S100Z: variants seen among roughly 807,000 people sequenced by gnomAD.
S100Z encodes the protein S100 calcium binding protein Z, also known as protein S100-Z.
S100Z carries 11 observed loss-of-function variants against 8.5 expected under a neutral mutation model. The ratio of observed to expected loss-of-function variants is 1.30; its 90% CI spans 0.82 to 2.15. The LOEUF is 2.15. Among genes scored for constraint, S100Z ranks in the 30% most tolerant of loss-of-function variants. The pLI, the probability that S100Z is intolerant of heterozygous loss-of-function variation, is 0.00. For synonymous variants in S100Z, 34 were observed against 43.8 expected, an observed-to-expected ratio of 0.78 and a Z score of 0.89; for missense variants, 126 against 117.9, an observed-to-expected ratio of 1.07 and a Z score of -0.32.
chr5:76,936,616 TAC>T, the S100Z span, among the ~76,000 whole-genome samples: 953 of 134,094 alleles, frequency 7.1e-3, 6 homozygotes, highest in East Asian at 0.027. Flanking sequence ...TTAAAGTTCC[TAC>T]ACACACACAC....
At chr5:76,910,001 T>G (rs1307138382) in intron 4 of S100Z, among the ~76,000 whole-genome samples, 1 of 152,202 alleles carries the variant, frequency 6.6e-6, no homozygotes, top group Non-Finnish European at 1.5e-5. Context: ...TCCCTACCAG[T>G]CAGCAAGCCA....
chr5:76,884,817 T>A (rs1743543833), intron 4 of S100Z, among the ~76,000 whole-genome samples: 1 of 151,760 alleles, frequency 6.6e-6, no homozygotes, highest in Non-Finnish European at 1.5e-5. Flanking sequence ...AGGAGCAGCC[T>A]GGGGAGAAGG....
intron 1 of S100Z, among the ~76,000 whole-genome samples, chr5:76,861,779 C>G (rs879461161): frequency 5.9e-5 from 9 of 152,262 alleles, no homozygotes; most frequent in Middle Eastern, 3.4e-3. Flanking sequence ...TCATTTGGCT[C>G]AAGAATAAAT....
chr5:76,891,276 C>G (rs558557501), intron 4 of S100Z, among the ~76,000 whole-genome samples: 1 of 152,254 alleles, frequency 6.6e-6, no homozygotes, highest in South Asian at 2.1e-4. Flanking sequence ...TTACACTTAC[C>G]TGTGGTATTT....
chr5:76,913,553 A>G (rs1375780657), intron 4 of S100Z, among the ~76,000 whole-genome samples: 3 of 152,220 alleles, frequency 2.0e-5, no homozygotes, highest in African/African-American at 2.4e-5. Flanking sequence ...AACAGCAAAG[A>G]AAAAATCCCA....
chr5:76,858,499 G>A (rs1750949403), intron 1 of S100Z, among the ~76,000 whole-genome samples: 1 of 151,510 alleles, frequency 6.6e-6, no homozygotes, highest in South Asian at 2.1e-4. Context: ...TTCCAGCCGG[G>A]GCAGCAGAGT....
At chr5:76,946,786 A>G in the S100Z span, among the ~76,000 whole-genome samples, 13 of 152,282 alleles carry the variant, frequency 8.5e-5, no homozygotes, top group East Asian at 2.5e-3. Context: ...GATCCCTACA[A>G]TAATTCTTAG....
intron 2 of S100Z, among the ~76,000 whole-genome samples, chr5:76,872,761 G>T (rs1204652166): frequency 6.6e-6 from 1 of 152,092 alleles, no homozygotes; most frequent in Non-Finnish European, 1.5e-5. Flanking sequence ...AGGAGTTCAA[G>T]ACCAGCCTGG....
chr5:76,865,360 T>A (rs944516133), intron 1 of S100Z, among the ~76,000 whole-genome samples: 1 of 151,474 alleles, frequency 6.6e-6, no homozygotes, highest in Non-Finnish European at 1.5e-5. Context: ...TTCTCCTGCC[T>A]TAGCCTCCCG....
At chr5:76,898,475 C>T (rs1353161908) in intron 4 of S100Z, among the ~76,000 whole-genome samples, 1 of 152,010 alleles carries the variant, frequency 6.6e-6, no homozygotes, top group Admixed American at 6.6e-5. Context: ...AAGGTATGTT[C>T]CCTCTATCCC....
intron 1 of S100Z, among the ~76,000 whole-genome samples, chr5:76,863,780 C>T (rs1376616591): frequency 9.9e-5 from 15 of 152,094 alleles, no homozygotes; most frequent in East Asian, 7.7e-4. Flanking sequence ...CCTTGTGATC[C>T]ACCCACCTTG....
the S100Z span, among the ~76,000 whole-genome samples, chr5:76,949,205 G>A: frequency 6.6e-5 from 10 of 152,220 alleles, no homozygotes; most frequent in East Asian, 7.7e-4. Flanking sequence ...TGGCTAACAC[G>A]GTGAAACCCC....
At chr5:76,873,163 G>A (rs1319805290) in intron 2 of S100Z, among the ~76,000 whole-genome samples, 3 of 152,084 alleles carry the variant, frequency 2.0e-5, no homozygotes, top group African/African-American at 7.2e-5. Context: ...CATGCTTTTA[G>A]CCACCATGAT....
At chr5:76,939,644 C>G in the S100Z span, among the ~76,000 whole-genome samples, 1 of 151,230 alleles carries the variant, frequency 6.6e-6, no homozygotes, top group Non-Finnish European at 1.5e-5. Context: ...TCCTGAGTAG[C>G]TGGGATTACA....
rs369332859 is a variant in S100Z, at chr5:76,860,092, A to T, written c.-176+9937A>T. Among the ~76,000 whole-genome samples the T allele has an allele frequency of 3.7e-4, 57 of 152,276 alleles. No individual in the cohort carries two copies. The South Asian group carries it at 0.011, about 30-fold the overall frequency. On this transcript the variant is annotated intron_variant, in intron 1 of 4. Coordinates refer to ENST00000317593, the MANE Select transcript of S100Z (RefSeq NM_130772.4). ...TGCCGGCAATAAAAGTTGACTCTAG[A>T]TGCTGAGGCAGAGAAAGAACTCTGG...
chr5:76,885,440 T>G (rs1580023737), intron 4 of S100Z, among the ~76,000 whole-genome samples: 3 of 39,362 alleles, frequency 7.6e-5, no homozygotes, highest in East Asian at 5.9e-4. Context: ...GGGTGGGAGG[T>G]GCTTGTCCCC....
At chr5:76,952,941 A>G in the S100Z span, 10 of 590,684 alleles carry the variant, frequency 1.7e-5, no homozygotes, top group East Asian at 2.8e-4. Context: ...TACTCTGTCA[A>G]TGAGACAGGG....
At chr5:76,909,463 C>T (rs1744573796) in intron 4 of S100Z, among the ~76,000 whole-genome samples, 1 of 152,076 alleles carries the variant, frequency 6.6e-6, no homozygotes, top group African/African-American at 2.4e-5. Flanking sequence ...AGTGAAATAC[C>T]TTATGTCCAA....
chr5:76,931,792 G>GT, the S100Z span, among the ~76,000 whole-genome samples: 1 of 139,868 alleles, frequency 7.1e-6, no homozygotes, highest in Non-Finnish European at 1.6e-5. Flanking sequence ...GAACATTTGG[G>GT]TTTTTTTTAT....
Sources: gnomAD v4.1 joint callset for allele counts (sites outside exome capture counted in the v4.1 genomes callset) on GRCh38, gnomAD v4.1.1 for gene constraint, MANE v1.5 for transcripts, NCBI Gene and HGNC (gene_info 2026-07-23, HGNC 2026-07-21) for gene names.